SZT2: variants seen among roughly 807,000 people sequenced by gnomAD.
SZT2 encodes the protein KICSTOR complex protein SZT2.
Under a neutral mutation model 404.2 loss-of-function variants are expected in SZT2, and 216 were observed. The ratio of observed to expected loss-of-function variants is 0.53; its 90% CI spans 0.48 to 0.60. The LOEUF is 0.60. Ranked by LOEUF, SZT2 falls within the 20% of genes least tolerant of loss-of-function variation. The pLI is 0.00. For missense variants in SZT2, 3,857 were observed against 4,459.2 expected, an observed-to-expected ratio of 0.86 and a Z score of 3.85; for synonymous variants, 1,693 against 1,749.9, an observed-to-expected ratio of 0.97 and a Z score of 0.81.
intron 30 of SZT2, 63 bp downstream of exon 30, chr1:43,430,166 T>A: frequency 6.3e-7 from 1 of 1,590,636 alleles, no homozygotes. Flanking sequence ...CAGACCCTCT[T>A]GAGTCTTGGT....
Position 43,446,402 on chromosome 1 carries a change from G to T in SZT2, c.9058G>T (p.Ala3020Ser). The stretch of plus-strand genomic sequence containing the variant: ...ATGTTCCCGAATCCCAATGGGGCAG[G>T]CTGTCAACTCACAGGTATGTGAATG... ...LECSRIPMGQ[A>S]VNSQLSMLFT... Residue 3020 changes from alanine to serine, a missense_variant, in exon 65 of 72, where the codon GCT (alanine) becomes TCT (serine). Coordinates refer to ENST00000634258, the MANE Select transcript of SZT2 (RefSeq NM_001365999.1). 6.2e-7 allele frequency: 1 copy of T among 1,614,284 alleles called. No individual in the cohort carries two copies. Among genetic ancestry groups the T allele is most frequent in the Admixed American group, 1.7e-5 (1 of 60,034 alleles).
intron 51 of SZT2, 107 bp downstream of exon 51, chr1:43,440,155 G>T: frequency 6.9e-7 from 1 of 1,443,542 alleles, no homozygotes; most frequent in Non-Finnish European, 9.5e-7. Context: ...GCATGTCAGA[G>T]AACTACTACA....
In SZT2 at chr1:43,423,199, G is replaced by C; in HGVS notation, c.2138G>C (p.Gly713Ala). Reference protein sequence around the residue: ...TPKVKRKGLGGAGGGSSPSKS... With the variant: ...TPKVKRKGLGAAGGGSSPSKS... ...AAGGTGAAACGAAAAGGGCTAGGGGGTGCTGGTGGGGGCAGCTCTCCCTCC... is the reference window on the plus strand; with the variant it reads ...AAGGTGAAACGAAAAGGGCTAGGGGCTGCTGGTGGGGGCAGCTCTCCCTCC... The change falls in exon 15 of 72, where the codon GGT becomes GCT. Residue 713 changes from glycine (G) to alanine (A), a missense_variant. Physicochemically the swap from Gly to Ala is moderately conservative, Grantham distance 60. This residue lies in a region of SZT2 where 1,725 missense variants were observed against 1,881.0 expected (regional missense o/e 0.92). Coordinates refer to ENST00000634258, the MANE Select transcript of SZT2 (RefSeq NM_001365999.1). 6.3e-7 allele frequency: 1 copy of C among 1,597,712 alleles called. No homozygotes were observed. The highest frequency in any genetic ancestry group is 8.5e-7 in the Non-Finnish European group (1 of 1,179,478).
In SZT2 at chr1:43,450,392, GC is replaced by G; in HGVS notation, c.10217del (p.Pro3406LeufsTer66). The stretch of plus-strand genomic sequence containing the variant: ...CCAGTACAGCCCCAGGACAGCGAGA[GC>G]CCCCCTGCCCAACTGGTCTCCACCT... ...PFPVQPQDSE[S>X]PPAQLVSTYH... On this transcript the variant is annotated frameshift_variant, in exon 72 of 72. Transcript: ENST00000634258. LOFTEE classifies it high-confidence loss of function. The surrounding 1 kb of genome is among the most constrained non-coding windows in gnomAD (Gnocchi z 4.3). 1 of 1,614,040 alleles carries G rather than the reference GC, an allele frequency of 6.2e-7. No homozygotes were observed. The highest frequency in any genetic ancestry group is 1.1e-5 in the South Asian group (1 of 91,072).
At position 43,452,696 on chromosome 1, in the gene SZT2, CT is replaced by C. The variant is rs925587635; in HGVS notation, c.*2220del. 2 of 613,236 alleles carry C rather than the reference CT, an allele frequency of 3.3e-6. No individual in the cohort carries two copies. Among genetic ancestry groups the C allele is most frequent in the East Asian group, 2.8e-5 (1 of 36,332 alleles). 38.0% of individuals were successfully genotyped at this position (613,236 alleles called of 1,614,324 possible). ...CTTCCTCTCCTCGCATCTACTTAGC[CT>C]TTTCCCATCTGTTTTCTGCCCCCAC... On this transcript the variant is annotated 3_prime_UTR_variant, in exon 72 of 72. Transcript: ENST00000634258.
At chr1:43,409,432 C>A in intron 4 of SZT2, 1 of 363,764 alleles carries the variant, frequency 2.7e-6, no homozygotes, top group Non-Finnish European at 5.3e-6. Flanking sequence ...AATAGTCAGA[C>A]AAGAGAAAGA....
rs757425191 is a variant in SZT2 at position 43,442,059 on chromosome 1, G to A, written c.7802G>A (p.Arg2601His). 2.1e-5 allele frequency: 34 copies of A among 1,613,638 alleles called. No homozygotes were observed. Among genetic ancestry groups the A allele is most frequent in the Admixed American group, 6.7e-5 (4 of 59,978 alleles). The change falls in exon 56 of 72, where the codon CGC becomes CAC. Residue 2601 changes from arginine to histidine, a missense_variant. By Grantham distance (29) the Arg-to-His change is conservative (BLOSUM62 0). Around this residue, in one of 7 missense-constraint regions of SZT2, gnomAD observed 573 missense variants for 592.4 expected, o/e 0.97. Coordinates refer to ENST00000634258, the MANE Select transcript of SZT2 (RefSeq NM_001365999.1). This position sits in a 1 kb window ranked among gnomAD's most constrained non-coding sequence, Gnocchi z 4.5. ...CCTGGGCAACTGGGCCCCTCTCCCC[G>A]CCCTGCAGCTGAGCGGCATCTGCTG... The part of the protein sequence containing the change: ...CSPGQLGPSP[R>H]PAAERHLLLL...
At chr1:43,438,086 G>T (rs1354547144) in intron 46 of SZT2, 184 bp downstream of exon 46, 9 of 610,000 alleles carry the variant, frequency 1.5e-5, no homozygotes, top group Non-Finnish European at 2.6e-5. Flanking sequence ...ACTTCTCTTA[G>T]AACCTCCTAT....
In SZT2 at chr1:43,453,456, C is replaced by G. The variant is rs755989872; in HGVS notation, c.*2976C>G. The stretch of plus-strand genomic sequence containing the variant: ...CCCTCTCGGAAGGCCGCCTGTCTCC[C>G]GGGGACGGCCCCCAGCCCCATTTCC... On this transcript the variant is annotated 3_prime_UTR_variant, in exon 72 of 72. Coordinates refer to ENST00000634258, the MANE Select transcript of SZT2 (RefSeq NM_001365999.1). 16 of 1,563,540 alleles carry G rather than the reference C, an allele frequency of 1.0e-5. No individual in the cohort carries two copies. Among genetic ancestry groups the G allele is most frequent in the South Asian group, 4.7e-5 (4 of 84,874 alleles).
rs886482554 is a variant in SZT2 at position 43,415,232 on chromosome 1, G to A, written c.630+19G>A. ...GAGCCAGGTATGTAAGAGAGAAAGT[G>A]GGCAGAGGCAACTTAGAAAGAGGAG... On this transcript the variant is annotated intron_variant, in intron 5 of 71. Coordinates refer to ENST00000634258, the MANE Select transcript of SZT2 (RefSeq NM_001365999.1). 6.3e-7 allele frequency: 1 copy of A among 1,596,594 alleles called. No homozygotes were observed.
Position 43,425,401 on chromosome 1 carries a change from GC to G in SZT2, c.2646-71del, listed in dbSNP as rs1653021227. 1 of 1,591,154 alleles carries G rather than the reference GC, an allele frequency of 6.3e-7. No individual in the cohort carries two copies. The highest frequency in any genetic ancestry group is 8.6e-7 in the Non-Finnish European group (1 of 1,166,046). ...TGACTCGTGGCTGTCCTCTGTGCCTGCCTCCTTCCCTCCATGAGGTTCACTC... is the reference window on the plus strand; with the variant it reads ...TGACTCGTGGCTGTCCTCTGTGCCTGCTCCTTCCCTCCATGAGGTTCACTC... On this transcript the variant is annotated intron_variant, in intron 18 of 71. Coordinates refer to ENST00000634258, the MANE Select transcript of SZT2 (RefSeq NM_001365999.1). This position sits in a 1 kb window ranked among gnomAD's most constrained non-coding sequence, Gnocchi z 4.3.
At chr1:43,392,914 G>A (rs758260573) in intron 1 of SZT2, among the ~76,000 whole-genome samples, 1 of 152,190 alleles carries the variant, frequency 6.6e-6, no homozygotes, top group African/African-American at 2.4e-5. Flanking sequence ...TACGAGTGCT[G>A]GTAGGAGTCA....
intron 36 of SZT2, 119 bp downstream of exon 36, chr1:43,432,020 C>G (rs1653953641): frequency 2.3e-6 from 3 of 1,300,834 alleles, no homozygotes; most frequent in Non-Finnish European, 3.2e-6. Context: ...CTCCTGTCTC[C>G]CTGCTCACCA....
At chr1:43,394,606 C>T (rs1037988034) in intron 1 of SZT2, among the ~76,000 whole-genome samples, 5 of 152,062 alleles carry the variant, frequency 3.3e-5, no homozygotes, top group East Asian at 1.9e-4. Context: ...GGGCTGGGCG[C>T]GGTGGCTCAT....
chr1:43,437,382 C>T lies in SZT2; in HGVS notation c.6188-24C>T. The T allele has an allele frequency of 6.2e-7, 1 of 1,614,084 alleles. No homozygotes were observed. On this transcript the variant is annotated intron_variant, in intron 43 of 71. Transcript: ENST00000634258. The surrounding 1 kb of genome is among the most constrained non-coding windows in gnomAD (Gnocchi z 5.3). ...TGGAAGGATCTGGAAAAGGCAGTTT[C>T]CTGAGCCCATGTTATTCCCCCAGCC...
chr1:43,448,962 T>C lies in SZT2; in HGVS notation c.10086+234T>C. The C allele has an allele frequency of 1.9e-6, 1 of 522,466 alleles. No homozygotes were observed. Among genetic ancestry groups the C allele is most frequent in the Non-Finnish European group, 3.4e-6 (1 of 292,214 alleles). 32.4% of individuals were successfully genotyped at this position (522,466 alleles called of 1,614,324 possible). ...CAAGAATACAAGCCTTGGCTTGAGA[T>C]CCTGAGGGCCAGGCTCTGGAACTGA... is the stretch of plus-strand genomic sequence containing the variant. On this transcript the variant is annotated intron_variant, in intron 70 of 71. Transcript: ENST00000634258. The surrounding 1 kb of genome is among the most constrained non-coding windows in gnomAD (Gnocchi z 4.2).
intron 6 of SZT2, 32 bp from the exon 7 acceptor site, chr1:43,416,503 C>G (rs752969635): frequency 6.3e-7 from 1 of 1,580,440 alleles, no homozygotes; most frequent in Non-Finnish European, 8.6e-7. Flanking sequence ...TGGCCAGTGT[C>G]TCCAGGTCTG....
chr1:43,446,893 A>G (rs1557601883), intron 65 of SZT2, 62 bp from the exon 66 acceptor site: 9 of 1,528,498 alleles, frequency 5.9e-6, no homozygotes, highest in Non-Finnish European at 8.0e-6. Flanking sequence ...AAGGAGGGAA[A>G]TGTGTTTTGG....
chr1:43,430,218 A>C, intron 30 of SZT2, 93 bp from the exon 31 acceptor site: 3 of 1,555,012 alleles, frequency 1.9e-6, no homozygotes, highest in Non-Finnish European at 2.7e-6. Flanking sequence ...CCTTAGATCA[A>C]GCTGTCTAAG....
Sources: gnomAD v4.1 joint callset for allele counts (sites outside exome capture counted in the v4.1 genomes callset) on GRCh38, gnomAD v4.1.1 for gene constraint, gnomAD v4.1.1 regional missense constraint, Gnocchi (gnomAD v3.1) non-coding constraint, MANE v1.5 for transcripts, NCBI Gene and HGNC (gene_info 2026-07-23, HGNC 2026-07-21) for gene names.